Variants in DRC11 observed in about 807,000 individuals in gnomAD.
The protein encoded by DRC11 is dynein regulatory complex subunit 11.
chr2:236,488,450 T>G, the DRC11 span, among the ~76,000 whole-genome samples: 2 of 152,132 alleles, frequency 1.3e-5, no homozygotes, highest in East Asian at 3.9e-4. Flanking sequence ...ACTAATTAGC[T>G]CCACGATATT....
chr2:236,372,324 C>T, the DRC11 span, among the ~76,000 whole-genome samples: 1 of 152,148 alleles, frequency 6.6e-6, no homozygotes, highest in African/African-American at 2.4e-5. This position sits in a 1 kb window ranked among gnomAD's most constrained non-coding sequence, Gnocchi z 4.5. Context: ...ATGATCTTGA[C>T]ATCGTTTTCC....
the DRC11 span, chr2:236,368,407 C>T: frequency 7.8e-6 from 5 of 640,248 alleles, no homozygotes; most frequent in Middle Eastern, 2.5e-4. Context: ...TTGAACATTT[C>T]AGAGCAAAGA....
the DRC11 span, chr2:236,441,131 GA>G: frequency 6.1e-5 from 94 of 1,536,038 alleles, no homozygotes; most frequent in South Asian, 8.4e-5. Flanking sequence ...ATTTCTGCAG[GA>G]AAAAAAATAG....
chr2:236,334,392 C>A, the DRC11 span, among the ~76,000 whole-genome samples: 1 of 152,050 alleles, frequency 6.6e-6, no homozygotes, highest in African/African-American at 2.4e-5. The surrounding 1 kb of genome is among the most constrained non-coding windows in gnomAD (Gnocchi z 7.8). Context: ...GTCTCTGGCC[C>A]AGAAGTGCAG....
the DRC11 span, among the ~76,000 whole-genome samples, chr2:236,413,782 C>A: frequency 6.6e-6 from 1 of 152,152 alleles, no homozygotes; most frequent in Non-Finnish European, 1.5e-5. The surrounding 1 kb of genome is among the most constrained non-coding windows in gnomAD (Gnocchi z 4.0). Context: ...CAGGTCAATA[C>A]CACTTTAAAT....
chr2:236,465,864 G>A, the DRC11 span, among the ~76,000 whole-genome samples: 176 of 152,266 alleles, frequency 1.2e-3, 2 homozygotes, highest in African/African-American at 3.9e-3. This position sits in a 1 kb window ranked among gnomAD's most constrained non-coding sequence, Gnocchi z 6.2. Flanking sequence ...AGCTAACTGA[G>A]TGCATTTACT....
At chr2:236,500,756 G>T in the DRC11 span, among the ~76,000 whole-genome samples, 1 of 152,208 alleles carries the variant, frequency 6.6e-6, no homozygotes, top group African/African-American at 2.4e-5. This position sits in a 1 kb window ranked among gnomAD's most constrained non-coding sequence, Gnocchi z 6.3. Context: ...AGGCTAGAGT[G>T]CAGTGGTGCG....
At chr2:236,505,137 A>G in the DRC11 span, among the ~76,000 whole-genome samples, 1 of 152,250 alleles carries the variant, frequency 6.6e-6, no homozygotes, top group Admixed American at 6.5e-5. Flanking sequence ...CATATGACTT[A>G]GAGATATGAC....
the DRC11 span, chr2:236,408,007 G>C: frequency 1.8e-6 from 1 of 556,286 alleles, no homozygotes; most frequent in South Asian, 1.4e-5. This position sits in a 1 kb window ranked among gnomAD's most constrained non-coding sequence, Gnocchi z 5.5. Context: ...CCGCTGTTTG[G>C]TCTCAGCCAG....
chr2:236,459,507 G>GTATA, the DRC11 span, among the ~76,000 whole-genome samples: 2 of 100,144 alleles, frequency 2.0e-5, no homozygotes, highest in Admixed American at 1.1e-4. Context: ...ATATGTATAC[G>GTATA]TATACGTATA....
chr2:236,416,732 T>C, the DRC11 span, among the ~76,000 whole-genome samples: 14 of 45,258 alleles, frequency 3.1e-4, 1 homozygote, highest in African/African-American at 1.0e-3. Context: ...TATATATATA[T>C]ATATATATAT....
chr2:236,325,613 C>G, the DRC11 span, among the ~76,000 whole-genome samples: 1 of 119,430 alleles, frequency 8.4e-6, no homozygotes, highest in African/African-American at 3.1e-5. This position sits in a 1 kb window ranked among gnomAD's most constrained non-coding sequence, Gnocchi z 4.4. Context: ...TTTTTTTTTT[C>G]TTTTTTTGAG....
chr2:236,376,245 A>G, the DRC11 span, among the ~76,000 whole-genome samples: 12 of 152,338 alleles, frequency 7.9e-5, no homozygotes, highest in South Asian at 2.5e-3. This position sits in a 1 kb window ranked among gnomAD's most constrained non-coding sequence, Gnocchi z 5.7. Context: ...AGACTCTTCA[A>G]AAATGTCAGT....
chr2:236,308,889 C>T, the DRC11 span, among the ~76,000 whole-genome samples: 6 of 152,298 alleles, frequency 3.9e-5, no homozygotes, highest in South Asian at 1.2e-3. This position sits in a 1 kb window ranked among gnomAD's most constrained non-coding sequence, Gnocchi z 6.0. Flanking sequence ...TAAAATAAAA[C>T]TTAAAGCAAT....
the DRC11 span, among the ~76,000 whole-genome samples, chr2:236,484,339 T>C: frequency 4.5e-4 from 68 of 152,344 alleles, no homozygotes; most frequent in African/African-American, 1.5e-3. Context: ...TGACATAATT[T>C]TGAACATGCA....
chr2:236,324,637 T>G, the DRC11 span: 2 of 1,053,646 alleles, frequency 1.9e-6, no homozygotes, highest in Non-Finnish European at 2.9e-6. This position sits in a 1 kb window ranked among gnomAD's most constrained non-coding sequence, Gnocchi z 5.7. Context: ...GACTCAAGCA[T>G]GGTTCTTCAG....
At chr2:236,442,443 CTG>C in the DRC11 span, among the ~76,000 whole-genome samples, 2 of 152,166 alleles carry the variant, frequency 1.3e-5, no homozygotes, top group Admixed American at 1.3e-4. Context: ...TTTTAGCTAA[CTG>C]TGAATATTCT....
At chr2:236,357,740 A>G in the DRC11 span, among the ~76,000 whole-genome samples, 1 of 126,754 alleles carries the variant, frequency 7.9e-6, no homozygotes, top group African/African-American at 3.1e-5. Flanking sequence ...TATACATATA[A>G]TATGTAAATA....
At chr2:236,504,706 A>AC in the DRC11 span, among the ~76,000 whole-genome samples, 2 of 152,172 alleles carry the variant, frequency 1.3e-5, no homozygotes, top group Non-Finnish European at 2.9e-5. This position sits in a 1 kb window ranked among gnomAD's most constrained non-coding sequence, Gnocchi z 5.0. Flanking sequence ...TGTAAGAGGG[A>AC]CCCAGTGGGA....
Sources: gnomAD v4.1 joint callset for allele counts (sites outside exome capture counted in the v4.1 genomes callset) on GRCh38, gnomAD v4.1.1 for gene constraint, Gnocchi (gnomAD v3.1) non-coding constraint, MANE v1.5 for transcripts, NCBI Gene and HGNC (gene_info 2026-07-23, HGNC 2026-07-21) for gene names.